The following KAZN variants were observed in gnomAD, a reference collection of about 807,000 sequenced individuals.
KAZN encodes kazrin.
Under a neutral mutation model 87.4 loss-of-function variants are expected in KAZN, and 40 were observed. The ratio of observed to expected loss-of-function variants is 0.46; its 90% CI spans 0.36 to 0.60. KAZN has a LOEUF of 0.60. Among genes scored for constraint, KAZN ranks in the 20% least tolerant of loss-of-function variants. KAZN has a pLI of 0.00. For synonymous variants in KAZN, 466 were observed against 458.3 expected (o/e 1.02, Z -0.22); for missense variants, 898 against 1,073.9 (o/e 0.84, Z 2.29).
chr1:14,184,168 C>T lies in KAZN; in HGVS notation c.249+3576C>T, dbSNP rs1646256690. Among the ~76,000 whole-genome samples the T allele has an allele frequency of 6.6e-6, 1 of 152,070 alleles. No homozygotes were observed. Among genetic ancestry groups the T allele is most frequent in the African/African-American group, 2.4e-5 (1 of 41,390 alleles). On this transcript the variant is annotated intron_variant, in intron 2 of 16. Coordinates refer to the KAZN transcript ENST00000636203. The surrounding 1 kb of genome is among the most constrained non-coding windows in gnomAD (Gnocchi z 4.2). The stretch of plus-strand genomic sequence containing the variant: ...AAATTTGCTTTACTCTTCAAACTCT[C>T]CGTTTTTCCTTCTGCCCTTGTCTCC...
chr1:14,827,352 C>T (rs1475387137), intron 1 of KAZN, among the ~76,000 whole-genome samples: 1 of 152,120 alleles, frequency 6.6e-6, no homozygotes, highest in African/African-American at 2.4e-5. Flanking sequence ...TTGGTGCACC[C>T]ATCACCCGAG....
chr1:14,561,656 C>CT lies in KAZN; in HGVS notation c.250-37322dup, dbSNP rs368034137. The stretch of plus-strand genomic sequence containing the variant: ...GTGGCTCGCACCTGTAATCCCAGCA[C>CT]TTTTTGGGAGGCCAAGGCAGGTGGA... On this transcript the variant is annotated intron_variant, in intron 2 of 16. Coordinates refer to the KAZN transcript ENST00000636203. Among the ~76,000 whole-genome samples the CT allele has an allele frequency of 1.0e-3, 153 of 152,144 alleles. 3 individuals carry two copies. The highest frequency in any genetic ancestry group is 6.9e-3 in the Middle Eastern group (2 of 290).
intron 2 of KAZN, among the ~76,000 whole-genome samples, chr1:14,404,696 C>A (rs1248967758): frequency 1.3e-5 from 2 of 152,138 alleles, no homozygotes; most frequent in Non-Finnish European, 2.9e-5. Flanking sequence ...TCATAAGATG[C>A]ATCACTTAAC....
chr1:14,621,256 C>A lies in KAZN; in HGVS notation c.226+22033C>A, dbSNP rs554642484. Among the ~76,000 whole-genome samples, 23 of 152,280 alleles carry A rather than the reference C, an allele frequency of 1.5e-4. No homozygotes were observed. The South Asian group carries it at 4.1e-3, about 27-fold the overall frequency. Reference sequence around the variant, plus strand: ...TTACTGCTCAGCAGCCAGAGTCATGCCAGGCTTTTCCAGACAACTGTGCTG... The same window carrying A: ...TTACTGCTCAGCAGCCAGAGTCATGACAGGCTTTTCCAGACAACTGTGCTG... On this transcript the variant is annotated intron_variant, in intron 1 of 14. Coordinates refer to ENST00000376030, the MANE Select transcript of KAZN (RefSeq NM_201628.3).
At chr1:14,149,229 G>A (rs540472718) in intron 1 of KAZN, among the ~76,000 whole-genome samples, 31 of 147,390 alleles carry the variant, frequency 2.1e-4, no homozygotes, top group Non-Finnish European at 2.8e-4. Flanking sequence ...AGCCTCCCAA[G>A]TAGCTGGGAC....
chr1:14,178,140 C>T (rs1488497783), intron 1 of KAZN, among the ~76,000 whole-genome samples: 2 of 152,104 alleles, frequency 1.3e-5, no homozygotes, highest in Admixed American at 1.3e-4. Flanking sequence ...CTCTCTCCTG[C>T]CACCCAGTGA....
At chr1:14,504,144 A>G (rs1270232086) in intron 2 of KAZN, among the ~76,000 whole-genome samples, 4 of 152,200 alleles carry the variant, frequency 2.6e-5, no homozygotes, top group Admixed American at 1.3e-4. Context: ...TGTCATAATG[A>G]GGACAAAGTA....
chr1:15,002,419 T>C (rs1668582115), intron 2 of KAZN, among the ~76,000 whole-genome samples: 2 of 152,164 alleles, frequency 1.3e-5, no homozygotes, highest in South Asian at 4.1e-4. Context: ...GGCACATAGC[T>C]GCGTTGCACC....
intron 1 of KAZN, among the ~76,000 whole-genome samples, chr1:14,052,866 G>A (rs1642399927): frequency 6.6e-6 from 1 of 152,206 alleles, no homozygotes; most frequent in Non-Finnish European, 1.5e-5. Context: ...AAGTGCTCCT[G>A]TACCCATCTG....
At chr1:14,432,489 G>A (rs1392585920) in intron 2 of KAZN, among the ~76,000 whole-genome samples, 1 of 152,174 alleles carries the variant, frequency 6.6e-6, no homozygotes, top group Non-Finnish European at 1.5e-5. Flanking sequence ...TCCCACTGAT[G>A]GTTTGTACTG....
intron 1 of KAZN, among the ~76,000 whole-genome samples, chr1:14,664,195 G>A (rs1292294178): frequency 2.0e-5 from 3 of 152,246 alleles, no homozygotes; most frequent in African/African-American, 7.2e-5. Context: ...CACCTTGGGA[G>A]GCCGAGGTGG....
chr1:14,837,757 G>A (rs934068008), intron 1 of KAZN, among the ~76,000 whole-genome samples: 1 of 151,582 alleles, frequency 6.6e-6, no homozygotes, highest in African/African-American at 2.4e-5. Context: ...AGACAAGCCT[G>A]TTGCCCTGGC....
At chr1:14,024,180 A>T (rs1219237761) in intron 1 of KAZN, among the ~76,000 whole-genome samples, 1 of 152,230 alleles carries the variant, frequency 6.6e-6, no homozygotes, top group Non-Finnish European at 1.5e-5. Context: ...TCGATGCAGA[A>T]AGATATTCAA....
At chr1:14,554,830 C>T (rs1223332538) in intron 2 of KAZN, among the ~76,000 whole-genome samples, 2 of 152,180 alleles carry the variant, frequency 1.3e-5, no homozygotes, top group South Asian at 2.1e-4. Context: ...GATAACAGAT[C>T]GTTATTACCA....
rs115981255 is a variant in KAZN at position 14,016,010 on chromosome 1, G to T, written c.91+122254G>T. On this transcript the variant is annotated intron_variant, in intron 1 of 16. Coordinates refer to the KAZN transcript ENST00000636203. ...AGGATTGTAGAGGCTTGTAACACAA[G>T]GGCAACAGGCACTCAAAACGGAAAG... Among the ~76,000 whole-genome samples, 2,305 of 152,070 alleles carry T rather than the reference G, an allele frequency of 0.015. 83 individuals are homozygous for T. The East Asian group carries it at 0.16, about 11-fold the overall frequency.
At chr1:14,713,300 T>C (rs2100221310) in intron 1 of KAZN, among the ~76,000 whole-genome samples, 1 of 152,304 alleles carries the variant, frequency 6.6e-6, no homozygotes, top group Middle Eastern at 3.4e-3. Context: ...CCAAAGCAAG[T>C]CATGTGGCCA....
chr1:14,498,345 A>G (rs1670063409), intron 2 of KAZN, among the ~76,000 whole-genome samples: 1 of 152,174 alleles, frequency 6.6e-6, no homozygotes, highest in Admixed American at 6.5e-5. Flanking sequence ...CCCCAGGGTG[A>G]AGCCACAGGC....
intron 2 of KAZN, among the ~76,000 whole-genome samples, chr1:14,429,299 G>A (rs1665913021): frequency 6.6e-6 from 1 of 152,186 alleles, no homozygotes; most frequent in Non-Finnish European, 1.5e-5. Context: ...AGGGATGAGG[G>A]CCCTATTGGC....
chr1:14,538,716 A>G (rs1261448760), intron 2 of KAZN, among the ~76,000 whole-genome samples: 2 of 152,338 alleles, frequency 1.3e-5, no homozygotes, highest in East Asian at 3.9e-4. Context: ...AGCAGCTGAA[A>G]TGATTTTATA....
Sources: allele counts gnomAD v4.1 joint callset (sites outside exome capture counted in the v4.1 genomes callset), GRCh38; gene constraint gnomAD v4.1.1; non-coding constraint Gnocchi (gnomAD v3.1); transcripts MANE v1.5; gene names NCBI Gene and HGNC (gene_info 2026-07-23, HGNC 2026-07-21).